The following RBFOX1 variants were observed in gnomAD, a reference collection of about 807,000 sequenced individuals.
The protein encoded by RBFOX1 is RNA binding protein fox-1 homolog 1.
A neutral mutation model predicts 57.7 loss-of-function variants in RBFOX1; 8 were observed. The observed-to-expected ratio is 0.14, with a 90% CI of 0.08 to 0.25. The LOEUF (loss-of-function observed/expected upper bound fraction) is 0.25. Among genes scored for constraint, RBFOX1 ranks in the 10% least tolerant of loss-of-function variants. The pLI is 1.00. For synonymous variants in RBFOX1, 326 were observed against 222.4 expected, an observed-to-expected ratio of 1.47 and a Z score of -4.15; for missense variants, 611 against 548.5, an observed-to-expected ratio of 1.11 and a Z score of -1.14.
At chr16:6,365,075 C>T (rs929169850) in intron 2 of RBFOX1, among the ~76,000 whole-genome samples, 1 of 142,174 alleles carries the variant, frequency 7.0e-6, no homozygotes, top group Non-Finnish European at 1.5e-5. Context: ...ACTGATGAGC[C>T]CAAAATGGGA....
intron 1 of RBFOX1, among the ~76,000 whole-genome samples, chr16:5,378,720 C>G (rs966872292): frequency 6.6e-6 from 1 of 151,528 alleles, no homozygotes; most frequent in South Asian, 2.1e-4. Context: ...ATTCCCATGA[C>G]TTACGTTTTC....
intron 14 of RBFOX1, among the ~76,000 whole-genome samples, chr16:7,691,487 G>T (rs8055759): frequency 6.6e-6 from 1 of 151,680 alleles, no homozygotes; most frequent in Admixed American, 6.6e-5. Flanking sequence ...AAAAGAGGAA[G>T]AAAGGAGGAA....
At position 7,597,912 on chromosome 16, in the gene RBFOX1, AGAATGTGT is replaced by A. The variant is rs754609965; in HGVS notation, c.622+484_622+491del. ...CATGTCTGAATTCCACAGGGTTAGC[AGAATGTGT>A]GAGTGGGTTATTTGTTCTTCTCTGG... On this transcript the variant is annotated intron_variant, in intron 9 of 15. Coordinates refer to ENST00000550418, the MANE Select transcript of RBFOX1 (RefSeq NM_018723.4). Among the ~76,000 whole-genome samples the A allele has an allele frequency of 6.6e-5, 10 of 152,314 alleles. No homozygotes were observed. The South Asian group carries it at 2.1e-3, about 32-fold the overall frequency.
chr16:6,173,258 A>G (rs541507786), intron 1 of RBFOX1, among the ~76,000 whole-genome samples: 1 of 152,294 alleles, frequency 6.6e-6, no homozygotes, highest in East Asian at 1.9e-4. Flanking sequence ...TATGACTGCC[A>G]ACACCCAGAA....
At position 7,676,787 on chromosome 16, in the gene RBFOX1, C is replaced by T; in HGVS notation, c.944C>T (p.Ala315Val). 2.5e-6 allele frequency: 4 copies of T among 1,613,132 alleles called. No homozygotes were observed. Among genetic ancestry groups the T allele is most frequent in the Non-Finnish European group, 3.4e-6 (4 of 1,179,354 alleles). Residue 315 changes from alanine (A) to valine (V), a missense_variant, in exon 14 of 16, where the codon GCA becomes GTA. Physicochemically the swap from Ala to Val is moderately conservative, Grantham distance 64. Around this residue, in one of 3 missense-constraint regions of RBFOX1, gnomAD observed 267 missense variants for 229.1 expected, o/e 1.17. Coordinates refer to ENST00000550418, the MANE Select transcript of RBFOX1 (RefSeq NM_018723.4). ...CTTGTGTTTTAGGGTGGTTATGCTG[C>T]ATACCGCTACGCCCAGCCTACCCCT... ...YGADIYGGYA[A>V]YRYAQPTPAT... is the part of the protein sequence containing the mutation.
intron 2 of RBFOX1, among the ~76,000 whole-genome samples, chr16:6,620,344 G>C (rs908312459): frequency 6.6e-6 from 1 of 152,136 alleles, no homozygotes; most frequent in Non-Finnish European, 1.5e-5. Context: ...CGCAGCTAAG[G>C]CAGTGTTAAG....
chr16:5,853,859 A>T (rs1198633041), intron 3 of RBFOX1, among the ~76,000 whole-genome samples: 1 of 152,134 alleles, frequency 6.6e-6, no homozygotes, highest in Non-Finnish European at 1.5e-5. Flanking sequence ...GGCCTCAAGC[A>T]ATTGTCCCCC....
chr16:5,305,364 C>A (rs1461852738), intron 1 of RBFOX1, among the ~76,000 whole-genome samples: 1 of 152,076 alleles, frequency 6.6e-6, no homozygotes, highest in Non-Finnish European at 1.5e-5. Context: ...GAAATACCTG[C>A]TTTCTGTCTT....
intron 1 of RBFOX1, among the ~76,000 whole-genome samples, chr16:5,448,528 CTG>C (rs1262961234): frequency 4.6e-5 from 7 of 152,200 alleles, no homozygotes; most frequent in African/African-American, 1.7e-4. Context: ...GCCAGACACA[CTG>C]TGTTTTCTGG....
At chr16:5,539,277 T>G (rs1404666477) in intron 2 of RBFOX1, among the ~76,000 whole-genome samples, 1 of 152,092 alleles carries the variant, frequency 6.6e-6, no homozygotes, top group African/African-American at 2.4e-5. Context: ...TCCCTACTCA[T>G]TTGTTTTTAA....
chr16:6,213,451 A>T (rs563751104), intron 1 of RBFOX1, among the ~76,000 whole-genome samples: 1 of 152,284 alleles, frequency 6.6e-6, no homozygotes, highest in South Asian at 2.1e-4. Context: ...CCTCCTAGAC[A>T]GCTGCCTCAG....
At chr16:5,697,264 A>G (rs2050873616) in intron 3 of RBFOX1, among the ~76,000 whole-genome samples, 1 of 152,088 alleles carries the variant, frequency 6.6e-6, no homozygotes, top group Admixed American at 6.6e-5. Context: ...TCATTTGTCA[A>G]GACTGTTTTC....
intron 4 of RBFOX1, among the ~76,000 whole-genome samples, chr16:7,121,948 TG>T (rs35097869): frequency 0.43 from 65,622 of 151,744 alleles, 14,392 homozygotes; most frequent in Admixed American, 0.49. Context: ...CAACAACTGG[TG>T]TTGGAATAAT....
chr16:7,588,421 G>A (rs985707281), intron 7 of RBFOX1, among the ~76,000 whole-genome samples: 3 of 152,124 alleles, frequency 2.0e-5, no homozygotes, highest in Admixed American at 2.0e-4. Context: ...CAACACATGA[G>A]GCCTATAAGC....
At chr16:7,029,244 A>ATATATATGTG (rs2042133985) in intron 3 of RBFOX1, among the ~76,000 whole-genome samples, 1 of 61,430 alleles carries the variant, frequency 1.6e-5, no homozygotes, top group Non-Finnish European at 3.2e-5. Context: ...ACGTATACGT[A>ATATATATGTG]TATATATACA....
intron 3 of RBFOX1, among the ~76,000 whole-genome samples, chr16:7,033,768 G>C (rs935276680): frequency 2.6e-5 from 4 of 152,076 alleles, no homozygotes; most frequent in Admixed American, 6.5e-5. Flanking sequence ...GTGAGCTGGG[G>C]ACCAGCCTGA....
Position 6,834,444 on chromosome 16 carries a change from C to G in RBFOX1, c.-16+179794C>G, listed in dbSNP as rs115495337. On this transcript the variant is annotated intron_variant, in intron 3 of 15. Coordinates refer to ENST00000550418, the MANE Select transcript of RBFOX1 (RefSeq NM_018723.4). ...GAGAACACTTGTTTGGGAGGGGAAGCGTCAATGGATGCCTATAGCCTTGCC... is the reference window on the plus strand; with the variant it reads ...GAGAACACTTGTTTGGGAGGGGAAGGGTCAATGGATGCCTATAGCCTTGCC... Among the ~76,000 whole-genome samples, 1,037 of 152,054 alleles carry G rather than the reference C, an allele frequency of 6.8e-3. 18 individuals are homozygous for G. Among genetic ancestry groups the G allele is most frequent in the African/African-American group, 0.023 (959 of 41,446 alleles).
At chr16:7,288,345 A>G (rs1381811687) in intron 4 of RBFOX1, among the ~76,000 whole-genome samples, 1 of 152,200 alleles carries the variant, frequency 6.6e-6, no homozygotes, top group Non-Finnish European at 1.5e-5. Flanking sequence ...AGGTGAGAAA[A>G]TCACACTCAT....
At chr16:5,845,347 C>G (rs1017851702) in intron 3 of RBFOX1, among the ~76,000 whole-genome samples, 1 of 152,218 alleles carries the variant, frequency 6.6e-6, no homozygotes, top group African/African-American at 2.4e-5. Context: ...TCCTCTCCAG[C>G]CTGTCTTGAG....
Sources: allele counts gnomAD v4.1 joint callset (sites outside exome capture counted in the v4.1 genomes callset), GRCh38; gene constraint gnomAD v4.1.1; regional missense constraint gnomAD v4.1.1; transcripts MANE v1.5; gene names NCBI Gene and HGNC (gene_info 2026-07-23, HGNC 2026-07-21).